The following SLC37A1 variants were observed in gnomAD, a reference collection of about 807,000 sequenced individuals.
SLC37A1 encodes solute carrier family 37 member 1, also known as glucose-6-phosphate exchanger SLC37A1.
Under a neutral mutation model 75.3 loss-of-function variants are expected in SLC37A1, and 49 were observed. That is an observed-to-expected ratio of 0.65 (90% CI 0.52 to 0.83). The LOEUF (loss-of-function observed/expected upper bound fraction) is 0.83. Ranked by LOEUF, SLC37A1 falls within the 40% of genes least tolerant of loss-of-function variation. SLC37A1 has a pLI of 0.00. For missense variants in SLC37A1, 566 were observed against 695.0 expected, an observed-to-expected ratio of 0.81 and a Z score of 2.09; for synonymous variants, 268 against 292.1, an observed-to-expected ratio of 0.92 and a Z score of 0.84.
At chr21:42,554,177 C>T (rs370184691) in intron 10 of SLC37A1, 35 bp downstream of exon 10, 37 of 1,596,552 alleles carry the variant, frequency 2.3e-5, no homozygotes, top group South Asian at 1.9e-4. Context: ...CCTAGAATGT[C>T]GGAGCTGCAG....
chr21:42,576,069 A>G (rs1266667313), intron 18 of SLC37A1: 6 of 584,132 alleles, frequency 1.0e-5, no homozygotes, highest in Non-Finnish European at 1.3e-5. Flanking sequence ...CCAGAATTGT[A>G]AAGGCAATAT....
At chr21:42,519,460 C>T (rs1187509582) in intron 2 of SLC37A1, among the ~76,000 whole-genome samples, 1 of 152,212 alleles carries the variant, frequency 6.6e-6, no homozygotes, top group Non-Finnish European at 1.5e-5. Flanking sequence ...TCCCTGGCCC[C>T]TCCTAAGGGA....
At chr21:42,575,702 T>G in intron 18 of SLC37A1, 3 of 985,466 alleles carry the variant, frequency 3.0e-6, no homozygotes, top group Non-Finnish European at 3.6e-6. Context: ...CCAATAAAAA[T>G]GAGTTGAGAA....
intron 2 of SLC37A1, among the ~76,000 whole-genome samples, chr21:42,507,142 G>A (rs985987550): frequency 9.2e-5 from 14 of 152,134 alleles, no homozygotes; most frequent in African/African-American, 2.9e-4. Context: ...CTTGGCCTCC[G>A]AAAGTGCTGG....
At chr21:42,558,076 G>A (rs1184796164) in intron 10 of SLC37A1, among the ~76,000 whole-genome samples, 2 of 152,156 alleles carry the variant, frequency 1.3e-5, no homozygotes, top group Admixed American at 1.3e-4. Flanking sequence ...AGAGCAGCTA[G>A]GACTACAAGC....
intron 1 of SLC37A1, among the ~76,000 whole-genome samples, chr21:42,515,288 G>A (rs1435770643): frequency 1.3e-5 from 2 of 151,988 alleles, no homozygotes; most frequent in East Asian, 1.9e-4. Flanking sequence ...TTAAAAAAAA[G>A]AAAAGAAAAA....
rs1246079717 is a variant in SLC37A1, at chr21:42,581,320, T to C, written c.*960T>C. 1.3e-5 allele frequency: 2 copies of C among 152,604 alleles called. No homozygotes were observed. The highest frequency in any genetic ancestry group is 2.9e-5 in the Non-Finnish European group (2 of 67,996). The allele number at this position is 152,604 out of a possible 1,614,324, so 9.5% of individuals were successfully genotyped here. A position where few individuals can be genotyped will look rare whatever the true frequency, so the allele number is the denominator to read the frequency against. On this transcript the variant is annotated 3_prime_UTR_variant, in exon 20 of 20. Coordinates refer to ENST00000352133, the MANE Select transcript of SLC37A1 (RefSeq NM_001320537.2). ...AAGTTTAAGAGACATAAATGGCATT[T>C]TGTTATTTATTAAGACAAACTCCAA...
intron 12 of SLC37A1, 57 bp from the exon 13 acceptor site, chr21:42,563,758 C>A: frequency 6.5e-7 from 1 of 1,545,694 alleles, no homozygotes; most frequent in South Asian, 1.1e-5. Flanking sequence ...CATGGTGTGT[C>A]GCTGCGATGC....
chr21:42,560,695 G>A (rs1356093735), intron 11 of SLC37A1, among the ~76,000 whole-genome samples: 2 of 152,210 alleles, frequency 1.3e-5, no homozygotes, highest in South Asian at 2.1e-4. Flanking sequence ...CAGCTTATGG[G>A]GAAAGGGCTG....
chr21:42,540,289 C>T (rs776888047), intron 6 of SLC37A1, among the ~76,000 whole-genome samples: 1 of 152,186 alleles, frequency 6.6e-6, no homozygotes, highest in African/African-American at 2.4e-5. Context: ...TGGCTCAGGG[C>T]CAGGGTTAGT....
intron 17 of SLC37A1, among the ~76,000 whole-genome samples, chr21:42,569,031 A>G (rs1449902848): frequency 1.3e-5 from 2 of 152,202 alleles, no homozygotes; most frequent in African/African-American, 4.8e-5. Context: ...GGCGAAAATC[A>G]GGAGTTGCCA....
chr21:42,516,444 C>T (rs553026082), intron 1 of SLC37A1, among the ~76,000 whole-genome samples: 2 of 152,182 alleles, frequency 1.3e-5, no homozygotes, highest in Admixed American at 6.5e-5. Flanking sequence ...AGTCATGGTT[C>T]GTGCTTCCAG....
At chr21:42,570,000 G>A (rs117253143) in intron 17 of SLC37A1, among the ~76,000 whole-genome samples, 13,580 of 151,800 alleles carry the variant, frequency 0.089, 836 homozygotes, top group Non-Finnish European at 0.13. Context: ...TCTGAGAAGC[G>A]GCGGGCAGGG....
chr21:42,579,493 G>A (rs2056371510), intron 18 of SLC37A1, among the ~76,000 whole-genome samples: 1 of 27,010 alleles, frequency 3.7e-5, no homozygotes, highest in African/African-American at 1.1e-4. Flanking sequence ...GGCAGCTCCT[G>A]GTTCTTCGTG....
intron 11 of SLC37A1, 90 bp downstream of exon 11, chr21:42,559,179 C>T: frequency 6.7e-7 from 1 of 1,492,082 alleles, no homozygotes; most frequent in South Asian, 1.3e-5. Context: ...CTTAAAAAGA[C>T]ATCTGTGGTT....
At chr21:42,507,304 C>A (rs2054392620) in intron 2 of SLC37A1, among the ~76,000 whole-genome samples, 1 of 152,200 alleles carries the variant, frequency 6.6e-6, no homozygotes, top group African/African-American at 2.4e-5. Context: ...TGGAAAGGAG[C>A]AGCTGCCTAG....
At chr21:42,565,217 A>G (rs1339781742) in intron 14 of SLC37A1, among the ~76,000 whole-genome samples, 1 of 152,196 alleles carries the variant, frequency 6.6e-6, no homozygotes, top group Non-Finnish European at 1.5e-5. Flanking sequence ...CAGTTCCCTC[A>G]TCTGGAAAAT....
At chr21:42,505,582 C>T (rs2054377063) in intron 2 of SLC37A1, among the ~76,000 whole-genome samples, 1 of 152,176 alleles carries the variant, frequency 6.6e-6, no homozygotes, top group South Asian at 2.1e-4. Context: ...GGCATGACCC[C>T]TCAGAGTCAA....
chr21:42,530,974 T>C (rs913613811), intron 3 of SLC37A1, among the ~76,000 whole-genome samples: 3 of 152,152 alleles, frequency 2.0e-5, no homozygotes, highest in African/African-American at 7.2e-5. Flanking sequence ...ACAGTGAATG[T>C]TTGTGCCTAA....
Sources: allele counts gnomAD v4.1 joint callset (sites outside exome capture counted in the v4.1 genomes callset), GRCh38; gene constraint gnomAD v4.1.1; transcripts MANE v1.5; gene names NCBI Gene and HGNC (gene_info 2026-07-23, HGNC 2026-07-21).